ASIC2: variants seen among roughly 807,000 people sequenced by gnomAD.
The protein encoded by ASIC2 is acid sensing ion channel subunit 2.
Under a neutral mutation model 57.3 loss-of-function variants are expected in ASIC2, and 25 were observed. The ratio of observed to expected loss-of-function variants is 0.44; its 90% CI spans 0.32 to 0.61. The LOEUF (loss-of-function observed/expected upper bound fraction) is 0.61, where lower values mean the gene tolerates loss of function less well. Among genes scored for constraint, ASIC2 ranks in the 20% least tolerant of loss-of-function variants. The pLI is 0.06. For missense variants in ASIC2, 641 were observed against 738.1 expected, an observed-to-expected ratio of 0.87 and a Z score of 1.52; for synonymous variants, 319 against 307.5, an observed-to-expected ratio of 1.04 and a Z score of -0.39.
chr17:33,510,744 C>T (rs530279595), intron 1 of ASIC2, among the ~76,000 whole-genome samples: 127 of 152,296 alleles, frequency 8.3e-4, no homozygotes, highest in African/African-American at 2.6e-3. Flanking sequence ...GGACTGGTGG[C>T]CACTGCCAGT....
In ASIC2 at chr17:33,524,023, CCTT is replaced by C. The variant is rs545888287; in HGVS notation, c.556-411959_556-411957del. Among the ~76,000 whole-genome samples, 414 of 152,328 alleles carry C rather than the reference CCTT, an allele frequency of 2.7e-3. 3 individuals are homozygous for C. Among genetic ancestry groups the C allele is most frequent in the African/African-American group, 9.6e-3 (399 of 41,568 alleles). Reference sequence around the variant, plus strand: ...TCATACACTCAGGGGTCAGCCTCAACCTTCTCCAGCTCCTCTCAGCTTTGAGCA... The same window carrying C: ...TCATACACTCAGGGGTCAGCCTCAACCTCCAGCTCCTCTCAGCTTTGAGCA... On this transcript the variant is annotated intron_variant, in intron 1 of 9. Coordinates refer to the ASIC2 transcript ENST00000359872.
At chr17:34,075,822 CCTTTT>C (rs1219600978) in intron 1 of ASIC2, among the ~76,000 whole-genome samples, 156 of 115,382 alleles carry the variant, frequency 1.4e-3, no homozygotes, top group African/African-American at 5.1e-3. Flanking sequence ...TTTTCTTTTT[CCTTTT>C]TTTTTTTTTT....
Position 33,170,686 on chromosome 17 carries a change from C to T in ASIC2, c.709-58619G>A, listed in dbSNP as rs149348375. Among the ~76,000 whole-genome samples the T allele has an allele frequency of 4.5e-3, 687 of 152,292 alleles. 6 individuals carry two copies. Among genetic ancestry groups the T allele is most frequent in the Admixed American group, 9.1e-3 (139 of 15,298 alleles). On this transcript the variant is annotated intron_variant, in intron 1 of 9. Transcript: ENST00000225823. ...AGGGCAAGAAGGGCTAGAAACCCAG[C>T]AGGACAGAGCATGAGAACTTCTTTC...
At chr17:33,807,650 A>G (rs1337425076) in intron 1 of ASIC2, among the ~76,000 whole-genome samples, 1 of 151,916 alleles carries the variant, frequency 6.6e-6, no homozygotes, top group Non-Finnish European at 1.5e-5. Flanking sequence ...CCCACTTCTA[A>G]TCTTGGGCCC....
intron 1 of ASIC2, among the ~76,000 whole-genome samples, chr17:33,608,601 G>C (rs1303400177): frequency 6.6e-6 from 1 of 152,052 alleles, no homozygotes; most frequent in Admixed American, 6.5e-5. Flanking sequence ...ACCCAACCCA[G>C]GATGATACAG....
chr17:33,775,882 C>T (rs1911257496), intron 1 of ASIC2, among the ~76,000 whole-genome samples: 1 of 152,130 alleles, frequency 6.6e-6, no homozygotes, highest in Non-Finnish European at 1.5e-5. Context: ...CCTGTAATCC[C>T]AGCACTTTGG....
At chr17:33,660,322 G>GT (rs1310767089) in intron 1 of ASIC2, among the ~76,000 whole-genome samples, 2 of 151,560 alleles carry the variant, frequency 1.3e-5, no homozygotes, top group African/African-American at 4.8e-5. Flanking sequence ...TTATTGTAAT[G>GT]TTTTGGCTTT....
chr17:33,249,198 G>T (rs1908798283), intron 1 of ASIC2, among the ~76,000 whole-genome samples: 1 of 152,062 alleles, frequency 6.6e-6, no homozygotes, highest in African/African-American at 2.4e-5. Flanking sequence ...AAGGATGAAG[G>T]TGTCCTCACC....
At chr17:33,038,267 C>A (rs1421472009) in intron 3 of ASIC2, among the ~76,000 whole-genome samples, 1 of 152,194 alleles carries the variant, frequency 6.6e-6, no homozygotes, top group Non-Finnish European at 1.5e-5. Flanking sequence ...ATTTATTCAA[C>A]AAATATTCTA....
chr17:33,918,125 A>T (rs1051338202), intron 1 of ASIC2, among the ~76,000 whole-genome samples: 4 of 152,150 alleles, frequency 2.6e-5, no homozygotes, highest in African/African-American at 9.7e-5. Context: ...TTTACTTATG[A>T]TGTTTCCTTT....
chr17:34,090,000 C>T (rs887293070), intron 1 of ASIC2, among the ~76,000 whole-genome samples: 1 of 152,184 alleles, frequency 6.6e-6, no homozygotes, highest in Non-Finnish European at 1.5e-5. Flanking sequence ...GGGCCTCTGA[C>T]CGGAGCCTCA....
chr17:34,156,578 T>G lies in ASIC2; in HGVS notation c.-46A>C. The G allele has an allele frequency of 6.6e-7, 1 of 1,526,272 alleles. No homozygotes were observed. Among genetic ancestry groups the G allele is most frequent in the East Asian group, 2.3e-5 (1 of 43,954 alleles). The allele number at this position is 1,526,272 out of a possible 1,614,324, so 94.5% of individuals were successfully genotyped here. On this transcript the variant is annotated 5_prime_UTR_variant, in exon 1 of 10. Coordinates refer to the ASIC2 transcript ENST00000359872. The surrounding 1 kb of genome is among the most constrained non-coding windows in gnomAD (Gnocchi z 4.4). ...CAACTGGCTTCAGGTTGATCGAATTTCAGAGAAGAGCTCCCAGTCCTCGGG... is the reference window on the plus strand; with the variant it reads ...CAACTGGCTTCAGGTTGATCGAATTGCAGAGAAGAGCTCCCAGTCCTCGGG...
At chr17:33,575,852 C>T (rs1916602903) in intron 1 of ASIC2, among the ~76,000 whole-genome samples, 1 of 152,166 alleles carries the variant, frequency 6.6e-6, no homozygotes, top group African/African-American at 2.4e-5. Flanking sequence ...GCTCTTTAAA[C>T]ATGCATGCCA....
intron 2 of ASIC2, among the ~76,000 whole-genome samples, chr17:33,110,903 C>T (rs776430758): frequency 4.6e-5 from 7 of 152,168 alleles, no homozygotes; most frequent in Admixed American, 2.0e-4. Context: ...CTGCTCCCCA[C>T]GCTCCTCTCT....
At chr17:33,064,762 C>T (rs947955220) in intron 3 of ASIC2, among the ~76,000 whole-genome samples, 11 of 152,266 alleles carry the variant, frequency 7.2e-5, no homozygotes, top group African/African-American at 1.4e-4. Flanking sequence ...GCGTCACTCA[C>T]GCTGGGAGCT....
At chr17:33,695,464 T>C (rs1908496222) in intron 1 of ASIC2, among the ~76,000 whole-genome samples, 3 of 152,224 alleles carry the variant, frequency 2.0e-5, no homozygotes, top group Non-Finnish European at 2.9e-5. Context: ...CATGCATTAC[T>C]TTTAAAATTG....
intron 1 of ASIC2, among the ~76,000 whole-genome samples, chr17:33,878,639 C>A (rs911803065): frequency 2.6e-5 from 4 of 152,208 alleles, no homozygotes; most frequent in African/African-American, 9.7e-5. Flanking sequence ...GACTGGTGTA[C>A]CTGAAAGTGA....
At chr17:33,710,880 A>C (rs1165166960) in intron 1 of ASIC2, among the ~76,000 whole-genome samples, 1 of 152,190 alleles carries the variant, frequency 6.6e-6, no homozygotes, top group Non-Finnish European at 1.5e-5. Flanking sequence ...CCTGGGTTAT[A>C]AATAAGATGA....
intron 1 of ASIC2, among the ~76,000 whole-genome samples, chr17:33,209,289 G>T (rs1347865004): frequency 6.6e-6 from 1 of 152,128 alleles, no homozygotes; most frequent in African/African-American, 2.4e-5. Flanking sequence ...TTTATAAGTT[G>T]TTCCAGTTTT....
Sources: allele counts gnomAD v4.1 joint callset (sites outside exome capture counted in the v4.1 genomes callset), GRCh38; gene constraint gnomAD v4.1.1; non-coding constraint Gnocchi (gnomAD v3.1); transcripts MANE v1.5; gene names NCBI Gene and HGNC (gene_info 2026-07-23, HGNC 2026-07-21).